The following EML4 variants were observed in gnomAD, a reference collection of about 807,000 sequenced individuals.
EML4 encodes the protein EMAP like 4.
EML4 carries 72 observed loss-of-function variants against 129.0 expected under a neutral mutation model. The observed-to-expected ratio is 0.56, with a 90% CI of 0.46 to 0.68. The LOEUF is 0.68. Ranked by LOEUF, EML4 falls within the 30% of genes least tolerant of loss-of-function variation. The pLI is 0.00. For missense variants in EML4, 1,363 were observed against 1,190.6 expected, an observed-to-expected ratio of 1.14 and a Z score of -2.13; for synonymous variants, 532 against 405.0, an observed-to-expected ratio of 1.31 and a Z score of -3.77.
At position 42,280,923 on chromosome 2, in the gene EML4, T is replaced by C; in HGVS notation, c.741T>C (p.Tyr247=). ...TMFIPSDVDN[Y]DDIRTELPPE... Reference sequence around the variant, plus strand: ...TCATTCCTTCCGATGTTGACAACTATGATGACATCAGAACGGAACTGCCTC... The same window carrying C: ...TCATTCCTTCCGATGTTGACAACTACGATGACATCAGAACGGAACTGCCTC... Residue 247 remains tyrosine (Y), a synonymous_variant, in exon 7 of 23, where the codon TAT becomes TAC. Transcript: ENST00000318522. The C allele has an allele frequency of 1.9e-6, 3 of 1,612,976 alleles. No individual in the cohort carries two copies. Among genetic ancestry groups the C allele is most frequent in the Non-Finnish European group, 1.7e-6 (2 of 1,179,230 alleles).
chr2:42,235,286 A>G (rs1674593250), intron 1 of EML4, among the ~76,000 whole-genome samples: 1 of 148,776 alleles, frequency 6.7e-6, no homozygotes, highest in Non-Finnish European at 1.5e-5. Context: ...CAAGAGCGAA[A>G]CTCCATCTCA....
At chr2:42,214,775 A>G (rs1673083461) in intron 1 of EML4, among the ~76,000 whole-genome samples, 1 of 152,156 alleles carries the variant, frequency 6.6e-6, no homozygotes, top group African/African-American at 2.4e-5. Flanking sequence ...CCAAGTATGT[A>G]TCTGTGGCCT....
At chr2:42,277,032 C>A (rs993435248) in intron 6 of EML4, among the ~76,000 whole-genome samples, 14 of 152,196 alleles carry the variant, frequency 9.2e-5, no homozygotes, top group South Asian at 2.1e-4. Flanking sequence ...CTGAGCTGTG[C>A]CTGTTCAAAA....
intron 1 of EML4, among the ~76,000 whole-genome samples, chr2:42,200,217 C>T (rs534507706): frequency 3.3e-5 from 5 of 150,700 alleles, no homozygotes; most frequent in Admixed American, 6.6e-5. Context: ...CCCAGCTACT[C>T]GGGAGGCTGA....
chr2:42,172,621 A>C (rs918280502), intron 1 of EML4, among the ~76,000 whole-genome samples: 1 of 152,126 alleles, frequency 6.6e-6, no homozygotes, highest in African/African-American at 2.4e-5. Flanking sequence ...TAATCCACAA[A>C]TTATGGTAAC....
chr2:42,300,429 A>G (rs899005567), intron 13 of EML4, among the ~76,000 whole-genome samples: 5 of 152,230 alleles, frequency 3.3e-5, no homozygotes, highest in African/African-American at 4.8e-5. Context: ...TGCCTAAAAG[A>G]CCTTTTATGT....
chr2:42,258,629 A>G (rs867161268), intron 3 of EML4, among the ~76,000 whole-genome samples: 2 of 150,816 alleles, frequency 1.3e-5, no homozygotes, highest in Admixed American at 6.6e-5. Context: ...CAAACTCCCA[A>G]CCTCAGGTCA....
intron 2 of EML4, 143 bp from the exon 3 acceptor site, chr2:42,256,358 C>T: frequency 2.9e-6 from 2 of 685,770 alleles, no homozygotes; most frequent in Non-Finnish European, 2.4e-6. Context: ...ACCATGGGGG[C>T]ATTCTGCTCA....
chr2:42,245,284 C>G (rs989766669), intron 1 of EML4, among the ~76,000 whole-genome samples: 1 of 150,744 alleles, frequency 6.6e-6, no homozygotes, highest in Non-Finnish European at 1.5e-5. Flanking sequence ...TTAGTAGAGA[C>G]GGGGTTTCAC....
chr2:42,182,988 C>G (rs1572840155), intron 1 of EML4, among the ~76,000 whole-genome samples: 1 of 152,112 alleles, frequency 6.6e-6, no homozygotes, highest in African/African-American at 2.4e-5. Context: ...CTGCCTGTCT[C>G]TACCAAAAGT....
At chr2:42,259,445 C>G (rs991455272) in intron 3 of EML4, among the ~76,000 whole-genome samples, 3 of 151,992 alleles carry the variant, frequency 2.0e-5, no homozygotes, top group South Asian at 2.1e-4. Flanking sequence ...AGTACATAAT[C>G]AAAAGAATTT....
At chr2:42,256,669 A>T in intron 3 of EML4, 39 bp downstream of exon 3, 2 of 1,609,952 alleles carry the variant, frequency 1.2e-6, no homozygotes, top group Non-Finnish European at 1.7e-6. Flanking sequence ...AACATTGCAG[A>T]ATTGTCTGAA....
chr2:42,320,462 C>A (rs1002870082), intron 19 of EML4, among the ~76,000 whole-genome samples: 7 of 152,234 alleles, frequency 4.6e-5, no homozygotes, highest in South Asian at 2.1e-4. Flanking sequence ...AACCATCTCA[C>A]CTACTAAGTG....
chr2:42,195,322 A>G (rs941935520), intron 1 of EML4, among the ~76,000 whole-genome samples: 2 of 152,230 alleles, frequency 1.3e-5, no homozygotes, highest in African/African-American at 2.4e-5. Context: ...ACATTATTAC[A>G]TTTTAAGGAT....
At chr2:42,286,404 A>G (rs781559050) in intron 10 of EML4, 25 bp downstream of exon 10, 15 of 1,351,840 alleles carry the variant, frequency 1.1e-5, no homozygotes, top group Admixed American at 1.7e-5. Context: ...TTAGAGAAGT[A>G]AGCAAGCTGA....
At chr2:42,210,023 C>T (rs528912807) in intron 1 of EML4, among the ~76,000 whole-genome samples, 20 of 152,134 alleles carry the variant, frequency 1.3e-4, no homozygotes, top group Non-Finnish European at 2.8e-4. Flanking sequence ...GTAGATCATA[C>T]AGAGTTTCCA....
At chr2:42,230,544 C>G (rs1572588483) in intron 1 of EML4, among the ~76,000 whole-genome samples, 3 of 152,094 alleles carry the variant, frequency 2.0e-5, no homozygotes, top group Admixed American at 1.3e-4. Flanking sequence ...GTAGCTGGGA[C>G]TACAGGTGTG....
At chr2:42,194,591 A>T (rs375392404) in intron 1 of EML4, among the ~76,000 whole-genome samples, 2 of 150,540 alleles carry the variant, frequency 1.3e-5, no homozygotes, top group South Asian at 2.1e-4. Context: ...GTGATGCCCA[A>T]CCTCCACCTC....
intron 1 of EML4, among the ~76,000 whole-genome samples, chr2:42,238,690 T>C (rs1674835890): frequency 6.6e-6 from 1 of 152,088 alleles, no homozygotes; most frequent in African/African-American, 2.4e-5. Context: ...CAGTTATAGC[T>C]CACTGCAGCC....
Sources: allele counts gnomAD v4.1 joint callset (sites outside exome capture counted in the v4.1 genomes callset), GRCh38; gene constraint gnomAD v4.1.1; transcripts MANE v1.5; gene names NCBI Gene and HGNC (gene_info 2026-07-23, HGNC 2026-07-21).